The following TXLNB variants were observed in gnomAD, a reference collection of about 807,000 sequenced individuals.
TXLNB encodes beta-taxilin.
Under a neutral mutation model 57.4 loss-of-function variants are expected in TXLNB, and 37 were observed. The ratio of observed to expected loss-of-function variants is 0.64; its 90% CI spans 0.50 to 0.85. TXLNB has a LOEUF of 0.85. TXLNB is among the 40% of genes least tolerant of loss of function. The probability of loss-of-function intolerance (pLI) is 0.00; values close to 1 mark genes in which losing one functional copy is unlikely to be tolerated. For synonymous variants in TXLNB, 302 were observed against 309.6 expected, an observed-to-expected ratio of 0.98 and a Z score of 0.26; for missense variants, 848 against 825.6, an observed-to-expected ratio of 1.03 and a Z score of -0.33.
chr6:139,174,512 C>T, the TXLNB span: 3 of 1,614,070 alleles, frequency 1.9e-6, no homozygotes, highest in East Asian at 6.7e-5. Context: ...ACACCTACGA[C>T]ATCCTGGCTG....
the TXLNB span, among the ~76,000 whole-genome samples, chr6:139,301,578 G>A: frequency 1.3e-5 from 2 of 152,090 alleles, no homozygotes; most frequent in Non-Finnish European, 2.9e-5. Context: ...GGATCACTAA[G>A]TCTTCCATGG....
At chr6:139,204,972 G>A in the TXLNB span, among the ~76,000 whole-genome samples, 2 of 152,300 alleles carry the variant, frequency 1.3e-5, no homozygotes, top group South Asian at 2.1e-4. Flanking sequence ...CCCAAGGAGA[G>A]TCTGAGCTCA....
intron 2 of TXLNB, 90 bp downstream of exon 2, chr6:139,288,386 T>C (rs1340556725): frequency 8.0e-7 from 1 of 1,243,198 alleles, no homozygotes; most frequent in African/African-American, 1.5e-5. Flanking sequence ...ATCCAAATAT[T>C]GGATGTGGCT....
chr6:139,216,077 G>T, the TXLNB span, among the ~76,000 whole-genome samples: 1 of 152,032 alleles, frequency 6.6e-6, no homozygotes, highest in Non-Finnish European at 1.5e-5. Flanking sequence ...GATTCCTCAG[G>T]GATCTAGAAC....
chr6:139,242,833 C>T lies in TXLNB; in HGVS notation c.1748G>A (p.Gly583Glu). Reference sequence around the variant, plus strand: ...CTCGCATTGGGTTTCTGCTCCCAACCCGGCAGGAGAATTACTGGCCTTGGA... The same window carrying T: ...CTCGCATTGGGTTTCTGCTCCCAACTCGGCAGGAGAATTACTGGCCTTGGA... ...PPSKASNSPA[G>E]LGAETQCEGL... Residue 583 changes from glycine to glutamate, a missense_variant, in exon 10 of 10, where the codon GGG becomes GAG. Transcript: ENST00000358430. 6.2e-7 allele frequency: 1 copy of T among 1,614,174 alleles called. No homozygotes were observed. Among genetic ancestry groups the T allele is most frequent in the South Asian group, 1.1e-5 (1 of 91,076 alleles).
chr6:139,288,610 T>C lies in TXLNB; in HGVS notation c.290A>G (p.Asn97Ser), dbSNP rs115230075. 1.5e-4 allele frequency: 239 copies of C among 1,614,202 alleles called. No homozygotes were observed. The African/African-American group carries it at 3.0e-3, about 21-fold the overall frequency. ...EQPENAESPD[N>S]EDGDCEETTE... Reference sequence around the variant, plus strand: ...TGTTTCCTCACAGTCCCCATCCTCGTTGTCAGGTGATTCTGCATTCTCAGG... The same window carrying C: ...TGTTTCCTCACAGTCCCCATCCTCGCTGTCAGGTGATTCTGCATTCTCAGG... The change falls in exon 2 of 10, where the codon AAC becomes AGC. Residue 97 changes from asparagine (N) to serine (S), a missense_variant. Physicochemically the swap from Asn to Ser is conservative, Grantham distance 46. Coordinates refer to ENST00000358430, the MANE Select transcript of TXLNB (RefSeq NM_153235.4).
At chr6:139,296,042 C>CT (rs1777383649), upstream of TXLNB, among the ~76,000 whole-genome samples, 1 of 152,118 alleles carries the variant, frequency 6.6e-6, no homozygotes, top group Non-Finnish European at 1.5e-5. Context: ...TGACCCCCCC[C>CT]TCCTCCAGCC....
intron 4 of TXLNB, among the ~76,000 whole-genome samples, chr6:139,268,010 G>A (rs890263770): frequency 2.0e-5 from 3 of 151,980 alleles, no homozygotes; most frequent in South Asian, 2.1e-4. Context: ...AATTAGCCAG[G>A]CATGGTGGCG....
chr6:139,244,395 T>G (rs1010068226), intron 9 of TXLNB, among the ~76,000 whole-genome samples, 200 bp downstream of exon 9: 2 of 152,208 alleles, frequency 1.3e-5, no homozygotes, highest in African/African-American at 4.8e-5. Context: ...CACAAAACTC[T>G]TTCTGAGTCT....
intron 8 of TXLNB, among the ~76,000 whole-genome samples, chr6:139,247,200 T>C (rs1214098668): frequency 6.6e-6 from 1 of 152,180 alleles, no homozygotes; most frequent in Admixed American, 6.5e-5. Flanking sequence ...TAGAGTGCAG[T>C]GGCGTGATCT....
chr6:139,216,656 A>G, the TXLNB span, among the ~76,000 whole-genome samples: 1 of 152,190 alleles, frequency 6.6e-6, no homozygotes, highest in Non-Finnish European at 1.5e-5. Context: ...AAAATGTGGT[A>G]TATAGACAAT....
chr6:139,166,004 C>T, the TXLNB span: 6 of 318,608 alleles, frequency 1.9e-5, no homozygotes, highest in Non-Finnish European at 2.8e-5. Flanking sequence ...GGTATGAGAC[C>T]GTCTATGTTC....
chr6:139,281,539 C>CCTTT (rs1213464486), intron 2 of TXLNB, among the ~76,000 whole-genome samples: 2 of 57,448 alleles, frequency 3.5e-5, no homozygotes, highest in East Asian at 5.1e-4. Flanking sequence ...ATCTGGAGTT[C>CCTTT]TTTTTTTTTT....
chr6:139,202,189 A>C, the TXLNB span, among the ~76,000 whole-genome samples: 1 of 152,212 alleles, frequency 6.6e-6, no homozygotes, highest in Non-Finnish European at 1.5e-5. Context: ...GTGGTTGTAC[A>C]TTCTTTTCTA....
chr6:139,278,140 C>T (rs951951065), intron 2 of TXLNB, among the ~76,000 whole-genome samples: 2 of 152,218 alleles, frequency 1.3e-5, no homozygotes, highest in Admixed American at 1.3e-4. Flanking sequence ...TCCAGACTAA[C>T]CGGTTAATTT....
chr6:139,270,391 G>C lies in TXLNB; in HGVS notation c.687+65C>G, dbSNP rs1583014929. On this transcript the variant is annotated intron_variant, in intron 4 of 9. Coordinates refer to ENST00000358430, the MANE Select transcript of TXLNB (RefSeq NM_153235.4). Reference sequence around the variant, plus strand: ...TCTAAAATTCACACTCTTTCCATGAGTAGCAGAGGCCTGTCTCTGTGCCCC... The same window carrying C: ...TCTAAAATTCACACTCTTTCCATGACTAGCAGAGGCCTGTCTCTGTGCCCC... 6.2e-6 allele frequency: 9 copies of C among 1,455,914 alleles called. No individual in the cohort carries two copies. The Admixed American group carries it at 1.9e-4, about 30-fold the overall frequency. The allele number at this position is 1,455,914 out of a possible 1,614,324, so 90.2% of individuals were successfully genotyped here.
the TXLNB span, chr6:139,166,224 C>G: frequency 7.5e-7 from 1 of 1,331,846 alleles, no homozygotes; most frequent in Non-Finnish European, 1.0e-6. Context: ...GTTGCAAGTA[C>G]AGGTTGAGTA....
At chr6:139,218,419 A>G in the TXLNB span, among the ~76,000 whole-genome samples, 1 of 152,318 alleles carries the variant, frequency 6.6e-6, no homozygotes, top group East Asian at 1.9e-4. Flanking sequence ...GGCCAAGCAG[A>G]TACTTAGGGC....
At chr6:139,249,099 A>T (rs1359775283) in intron 7 of TXLNB, among the ~76,000 whole-genome samples, 1 of 152,244 alleles carries the variant, frequency 6.6e-6, no homozygotes, top group Non-Finnish European at 1.5e-5. Flanking sequence ...GCATTTGCCA[A>T]GTGTATGGCT....
Sources: gnomAD v4.1 joint callset for allele counts (sites outside exome capture counted in the v4.1 genomes callset) on GRCh38, gnomAD v4.1.1 for gene constraint, MANE v1.5 for transcripts, NCBI Gene and HGNC (gene_info 2026-07-23, HGNC 2026-07-21) for gene names.